The following PCLO variants were observed in gnomAD, a reference collection of about 807,000 sequenced individuals.
PCLO encodes protein piccolo.
PCLO carries 82 observed loss-of-function variants against 427.5 expected under a neutral mutation model. That is an observed-to-expected ratio of 0.19 (90% CI 0.16 to 0.23). PCLO has a LOEUF of 0.23. Ranked by LOEUF, PCLO falls within the 10% of genes least tolerant of loss-of-function variation. The probability of loss-of-function intolerance (pLI) is 1.00; values close to 1 mark genes in which losing one functional copy is unlikely to be tolerated. For synonymous variants in PCLO, 2,357 were observed against 2,155.4 expected (o/e 1.09, Z -2.59); for missense variants, 6,239 against 6,115.9 (o/e 1.02, Z -0.67).
intron 3 of PCLO, among the ~76,000 whole-genome samples, chr7:83,056,597 T>A (rs898475076): frequency 1.3e-5 from 2 of 152,218 alleles, no homozygotes; most frequent in Non-Finnish European, 2.9e-5. Flanking sequence ...CTCATCTATA[T>A]GTATATTCTG....
At chr7:82,788,873 A>G (rs1791041248) in intron 22 of PCLO, among the ~76,000 whole-genome samples, 1 of 151,682 alleles carries the variant, frequency 6.6e-6, no homozygotes, top group Admixed American at 6.6e-5. Context: ...ATACTAGATA[A>G]TATTTCTGCA....
chr7:82,808,416 C>G (rs997899139), intron 20 of PCLO, among the ~76,000 whole-genome samples: 5 of 151,662 alleles, frequency 3.3e-5, no homozygotes, highest in African/African-American at 1.2e-4. Flanking sequence ...AGTTCTATTC[C>G]TCTTCTGGAA....
In PCLO at chr7:82,951,355, A is replaced by G; in HGVS notation, c.9233T>C (p.Val3078Ala). 1 of 1,607,914 alleles carries G rather than the reference A, an allele frequency of 6.2e-7. No individual in the cohort carries two copies. Among genetic ancestry groups the G allele is most frequent in the Non-Finnish European group, 8.5e-7 (1 of 1,176,918 alleles). The change falls in exon 6 of 25, where the codon GTG becomes GCG. Residue 3078 changes from valine (V) to alanine (A), a missense_variant. Physicochemically the swap from Val to Ala is moderately conservative, Grantham distance 64. Around this residue, in one of 5 missense-constraint regions of PCLO, gnomAD observed 4,677 missense variants for 4,468.4 expected, o/e 1.05. Transcript: ENST00000333891. ...MTPPPGPQYC[V>A]GSVLRSSNGV... The stretch of plus-strand genomic sequence containing the variant: ...ATTAGATGACCTCAAAACACTCCCC[A>G]CACAATACTGGGGTCCTGGTGGTGG...
intron 10 of PCLO, among the ~76,000 whole-genome samples, chr7:82,849,283 TTAAAAAATTA>T (rs1357033719): frequency 9.7e-4 from 147 of 152,138 alleles, no homozygotes; most frequent in Admixed American, 2.4e-3. Flanking sequence ...ATAAAATCTC[TTAAAAAATTA>T]TACAGATAAC....
intron 3 of PCLO, among the ~76,000 whole-genome samples, chr7:83,054,397 T>A (rs567421159): frequency 6.6e-6 from 1 of 152,160 alleles, no homozygotes; most frequent in South Asian, 2.1e-4. Flanking sequence ...GGAACTGGCA[T>A]AATAAATGCC....
intron 3 of PCLO, among the ~76,000 whole-genome samples, chr7:83,013,430 T>C (rs1161986317): frequency 1.3e-5 from 2 of 152,198 alleles, no homozygotes; most frequent in African/African-American, 4.8e-5. Flanking sequence ...GTAGTGATAA[T>C]GCCGTTTTCT....
chr7:83,121,486 G>C (rs1319203857), intron 3 of PCLO, among the ~76,000 whole-genome samples: 1 of 151,868 alleles, frequency 6.6e-6, no homozygotes, highest in African/African-American at 2.4e-5. Flanking sequence ...AAAACAATTA[G>C]AAAACAAATT....
At chr7:82,991,888 T>C (rs1006068256) in intron 3 of PCLO, among the ~76,000 whole-genome samples, 2 of 152,084 alleles carry the variant, frequency 1.3e-5, no homozygotes, top group African/African-American at 2.4e-5. Context: ...TTCCTATAGG[T>C]ACTTTAAACT....
intron 20 of PCLO, among the ~76,000 whole-genome samples, chr7:82,818,310 T>C (rs992043987): frequency 4.6e-5 from 7 of 152,166 alleles, no homozygotes; most frequent in Non-Finnish European, 1.0e-4. Context: ...CTGAGAAGCT[T>C]ACAAAAAATC....
intron 24 of PCLO, among the ~76,000 whole-genome samples, chr7:82,760,170 T>C (rs2129467513): frequency 6.6e-6 from 1 of 152,130 alleles, no homozygotes; most frequent in East Asian, 1.9e-4. Flanking sequence ...ACTAAGTCAA[T>C]ACAATTAAAA....
At chr7:82,975,658 T>G (rs574700236) in intron 3 of PCLO, among the ~76,000 whole-genome samples, 1 of 152,268 alleles carries the variant, frequency 6.6e-6, no homozygotes, top group East Asian at 1.9e-4. Flanking sequence ...GCCCTAAATG[T>G]TTCCCGTTAC....
In PCLO at chr7:82,775,720, T is replaced by C. The variant is rs139986356; in HGVS notation, c.15008-14227A>G. Among the ~76,000 whole-genome samples, 458 of 152,330 alleles carry C rather than the reference T, an allele frequency of 3.0e-3. 1 individual carries two copies. The highest frequency in any genetic ancestry group is 9.8e-3 in the African/African-American group (407 of 41,580). ...TCTCAGATCAGAAATGTTGTAATTT[T>C]AATGAAGTCCGATTATTGAATTTTT... is the stretch of plus-strand genomic sequence containing the variant. On this transcript the variant is annotated intron_variant, in intron 22 of 24. Coordinates refer to ENST00000333891, the MANE Select transcript of PCLO (RefSeq NM_033026.6).
At chr7:83,045,954 TTA>T (rs1789094234) in intron 3 of PCLO, among the ~76,000 whole-genome samples, 1 of 152,084 alleles carries the variant, frequency 6.6e-6, no homozygotes, top group Non-Finnish European at 1.5e-5. Context: ...TTTCTCATAG[TTA>T]TGGATGTTGG....
At chr7:82,988,321 G>T (rs1313864989) in intron 3 of PCLO, among the ~76,000 whole-genome samples, 3 of 151,918 alleles carry the variant, frequency 2.0e-5, no homozygotes, top group Non-Finnish European at 4.4e-5. Context: ...CCCATGGCTG[G>T]ACCCAGCTGA....
At chr7:82,853,338 T>C (rs1236598794) in intron 10 of PCLO, among the ~76,000 whole-genome samples, 1 of 152,072 alleles carries the variant, frequency 6.6e-6, no homozygotes, top group Non-Finnish European at 1.5e-5. Flanking sequence ...GATCCTATTC[T>C]ATGGGTACCC....
intron 6 of PCLO, among the ~76,000 whole-genome samples, chr7:82,926,220 T>G (rs1413663737): frequency 6.6e-6 from 1 of 152,200 alleles, no homozygotes; most frequent in African/African-American, 2.4e-5. Flanking sequence ...TGAAATAGTT[T>G]AATAATTGTT....
intron 3 of PCLO, among the ~76,000 whole-genome samples, chr7:83,032,417 C>G (rs1402143442): frequency 6.8e-6 from 1 of 147,234 alleles, no homozygotes; most frequent in African/African-American, 2.5e-5. Context: ...TCCCTCCTTC[C>G]CTTCCTTCCC....
At chr7:82,808,238 G>A (rs903971124) in intron 20 of PCLO, among the ~76,000 whole-genome samples, 15 of 151,740 alleles carry the variant, frequency 9.9e-5, no homozygotes, top group African/African-American at 3.4e-4. Context: ...TTAATTATTA[G>A]ACACTAATAT....
chr7:82,762,650 T>C (rs779902081), intron 22 of PCLO, among the ~76,000 whole-genome samples: 1 of 89,296 alleles, frequency 1.1e-5, no homozygotes, highest in Non-Finnish European at 2.1e-5. Context: ...TCAAATCAAA[T>C]GACAACTGCT....
Sources: gnomAD v4.1 joint callset for allele counts (sites outside exome capture counted in the v4.1 genomes callset) on GRCh38, gnomAD v4.1.1 for gene constraint, gnomAD v4.1.1 regional missense constraint, MANE v1.5 for transcripts, NCBI Gene and HGNC (gene_info 2026-07-23, HGNC 2026-07-21) for gene names.